Variants in ADARB2 observed in about 807,000 individuals in gnomAD.
ADARB2 encodes the protein inactive double-stranded RNA-specific editase B2.
Under a neutral mutation model 62.2 loss-of-function variants are expected in ADARB2, and 25 were observed. The ratio of observed to expected loss-of-function variants is 0.40; its 90% CI spans 0.29 to 0.56. ADARB2 has a LOEUF of 0.56. ADARB2 is among the 20% of genes least tolerant of loss of function. The pLI is 0.43. For synonymous variants in ADARB2, 572 were observed against 500.8 expected, an observed-to-expected ratio of 1.14 and a Z score of -1.90; for missense variants, 1,071 against 1,077.4, an observed-to-expected ratio of 0.99 and a Z score of 0.08.
At chr10:1,517,896 C>T (rs1265403855) in intron 1 of ADARB2, among the ~76,000 whole-genome samples, 1 of 152,182 alleles carries the variant, frequency 6.6e-6, no homozygotes, top group East Asian at 1.9e-4. Context: ...GCCAGCCTTT[C>T]CCCGCAGCTC....
At chr10:1,341,374 G>T (rs1166352208) in intron 3 of ADARB2, among the ~76,000 whole-genome samples, 1 of 118,056 alleles carries the variant, frequency 8.5e-6, no homozygotes, top group Non-Finnish European at 1.7e-5. Context: ...ATCAGCATCA[G>T]CCAGAGAACC....
At chr10:1,562,295 C>T (rs1432924055) in intron 1 of ADARB2, among the ~76,000 whole-genome samples, 3 of 152,190 alleles carry the variant, frequency 2.0e-5, no homozygotes, top group African/African-American at 7.2e-5. Flanking sequence ...GCCCTCATCA[C>T]ATGAGGCCCT....
intron 1 of ADARB2, among the ~76,000 whole-genome samples, chr10:1,444,790 C>T (rs1830948111): frequency 6.6e-6 from 1 of 150,484 alleles, no homozygotes. Flanking sequence ...TCCATCCATC[C>T]ACCCACTCAT....
At chr10:1,191,558 G>C (rs867260255) in intron 8 of ADARB2, among the ~76,000 whole-genome samples, 2 of 152,172 alleles carry the variant, frequency 1.3e-5, no homozygotes, top group Non-Finnish European at 2.9e-5. Context: ...TCCCTGAGCC[G>C]TCTGTAATGG....
At position 1,569,145 on chromosome 10, in the gene ADARB2, AGT is replaced by A. The variant is rs1832901999; in HGVS notation, c.100+167904_100+167905del. 3.3e-5 allele frequency among the ~76,000 whole-genome samples: 5 copies of A among 152,014 alleles called. No individual in the cohort carries two copies. The East Asian group carries it at 7.7e-4, about 23-fold the overall frequency. Reference sequence around the variant, plus strand: ...GACAGAGACAAAGAGAGAGACAGAGAGTCAGAGAGAGACAGAGATATATAAGG... The same window carrying A: ...GACAGAGACAAAGAGAGAGACAGAGACAGAGAGAGACAGAGATATATAAGG... On this transcript the variant is annotated intron_variant, in intron 1 of 9. Coordinates refer to ENST00000381312, the MANE Select transcript of ADARB2 (RefSeq NM_018702.4).
intron 1 of ADARB2, among the ~76,000 whole-genome samples, chr10:1,580,386 G>T (rs1366203471): frequency 6.6e-6 from 1 of 152,066 alleles, no homozygotes; most frequent in Non-Finnish European, 1.5e-5. Flanking sequence ...TCCTGCATTA[G>T]TTCGCTTAGG....
intron 1 of ADARB2, among the ~76,000 whole-genome samples, chr10:1,412,450 T>TTTA (rs907515162): frequency 2.3e-4 from 35 of 152,248 alleles, no homozygotes; most frequent in African/African-American, 7.7e-4. Flanking sequence ...AGGTTGTGAC[T>TTTA]TTATTATTAT....
At chr10:1,594,087 C>G (rs1032558778) in intron 1 of ADARB2, among the ~76,000 whole-genome samples, 1 of 152,034 alleles carries the variant, frequency 6.6e-6, no homozygotes, top group East Asian at 1.9e-4. Flanking sequence ...GTCAGGAGTT[C>G]GGGACCAGCC....
At chr10:1,630,349 C>A (rs1035845647) in intron 1 of ADARB2, among the ~76,000 whole-genome samples, 1 of 152,054 alleles carries the variant, frequency 6.6e-6, no homozygotes. Context: ...AGAAGCAAGG[C>A]AGGGCATAAA....
At chr10:1,299,948 A>G (rs1831558537) in intron 3 of ADARB2, among the ~76,000 whole-genome samples, 1 of 152,126 alleles carries the variant, frequency 6.6e-6, no homozygotes, top group African/African-American at 2.4e-5. Context: ...ACGCCTGGCC[A>G]TCAACCACAT....
intron 6 of ADARB2, among the ~76,000 whole-genome samples, chr10:1,229,949 A>G (rs867410484): frequency 6.6e-6 from 1 of 152,306 alleles, no homozygotes; most frequent in Middle Eastern, 3.4e-3. Context: ...GAGATGCACA[A>G]TCGCTCGATG....
At chr10:1,652,990 G>C (rs923375027) in intron 1 of ADARB2, among the ~76,000 whole-genome samples, 3 of 152,160 alleles carry the variant, frequency 2.0e-5, no homozygotes, top group Non-Finnish European at 4.4e-5. Context: ...TCAGACGATG[G>C]AGGCCTCCTC....
intron 1 of ADARB2, among the ~76,000 whole-genome samples, chr10:1,487,764 T>C (rs1252791356): frequency 2.6e-5 from 4 of 152,144 alleles, no homozygotes; most frequent in South Asian, 2.1e-4. Context: ...GTGAACTAAA[T>C]ACAGATTGAC....
rs79813210 is a variant in ADARB2 at position 1,425,451 on chromosome 10, T to C, written c.101-46291A>G. Among the ~76,000 whole-genome samples, 816 of 152,376 alleles carry C rather than the reference T, an allele frequency of 5.4e-3. 9 individuals carry two copies. The highest frequency in any genetic ancestry group is 7.5e-3 in the South Asian group (36 of 4,828). ...CTTTGATTGAATCAATTCAAGTTTG[T>C]ATCCTTCAAGCAATACCTGAAGTAT... On this transcript the variant is annotated intron_variant, in intron 1 of 9. Transcript: ENST00000381312.
intron 7 of ADARB2, chr10:1,216,056 G>A (rs1337810263): frequency 2.7e-5 from 4 of 150,864 alleles, no homozygotes; most frequent in African/African-American, 4.9e-5. Context: ...ACGTGGGGGT[G>A]TCACCAACGT....
chr10:1,439,665 G>T (rs1046639085), intron 1 of ADARB2, among the ~76,000 whole-genome samples: 1 of 149,812 alleles, frequency 6.7e-6, no homozygotes, highest in African/African-American at 2.5e-5. Flanking sequence ...CTTCACTATG[G>T]GGCTCCTGAG....
intron 3 of ADARB2, among the ~76,000 whole-genome samples, chr10:1,306,804 C>A (rs2131820606): frequency 6.6e-6 from 1 of 151,406 alleles, no homozygotes; most frequent in South Asian, 2.1e-4. Context: ...TGATCTTTGA[C>A]AAACCTGACA....
intron 1 of ADARB2, among the ~76,000 whole-genome samples, chr10:1,609,595 C>T (rs1833541851): frequency 6.6e-6 from 1 of 152,252 alleles, no homozygotes; most frequent in South Asian, 2.1e-4. Flanking sequence ...GAGGGTGTTT[C>T]AATATTCACA....
chr10:1,371,784 T>TAAAAAAAA (rs71379114), intron 2 of ADARB2, among the ~76,000 whole-genome samples: 9 of 125,796 alleles, frequency 7.2e-5, no homozygotes, highest in African/African-American at 1.6e-4. Context: ...TATTAAAAAG[T>TAAAAAAAA]AAAAAAAAAA....
Sources: gnomAD v4.1 joint callset for allele counts (sites outside exome capture counted in the v4.1 genomes callset) on GRCh38, gnomAD v4.1.1 for gene constraint, MANE v1.5 for transcripts, NCBI Gene and HGNC (gene_info 2026-07-23, HGNC 2026-07-21) for gene names.